ADGRB1: variants seen among roughly 807,000 people sequenced by gnomAD.
ADGRB1 encodes the protein brain-specific angiogenesis inhibitor 1.
Under a neutral mutation model 175.7 loss-of-function variants are expected in ADGRB1, and 36 were observed. The observed-to-expected ratio is 0.20, with a 90% CI of 0.16 to 0.27. The LOEUF is 0.27. Ranked by LOEUF, ADGRB1 falls within the 10% of genes least tolerant of loss-of-function variation. The pLI is 1.00. For synonymous variants in ADGRB1, 1,054 were observed against 979.4 expected (o/e 1.08, Z -1.42); for missense variants, 1,731 against 2,255.3 (o/e 0.77, Z 4.71).
rs1202459039 is a variant in ADGRB1, at chr8:142,510,660, C to G, written c.2676-272C>G. ...CAGCTCTCGCCCCCCGCCCCGCCCC[C>G]GATCGCTCGGCTCCCCCGCCCGGCG... On this transcript the variant is annotated intron_variant, in intron 17 of 30. Transcript: ENST00000517894. This position sits in a 1 kb window ranked among gnomAD's most constrained non-coding sequence, Gnocchi z 6.3. Among the ~76,000 whole-genome samples the G allele has an allele frequency of 2.1e-5, 3 of 145,666 alleles. No individual in the cohort carries two copies. The highest frequency in any genetic ancestry group is 4.2e-4 in the South Asian group (2 of 4,780).
intron 9 of ADGRB1, 105 bp downstream of exon 9, chr8:142,479,899 C>A: frequency 8.0e-7 from 1 of 1,257,710 alleles, no homozygotes; most frequent in Non-Finnish European, 1.1e-6. Context: ...AGACACGGAG[C>A]CCAGACAGCC....
chr8:142,541,276 G>A (rs934001504), intron 27 of ADGRB1, among the ~76,000 whole-genome samples: 3 of 152,094 alleles, frequency 2.0e-5, no homozygotes, highest in Non-Finnish European at 2.9e-5. Context: ...GCAGGAAGTC[G>A]GGGGCAAACT....
At position 142,544,671 on chromosome 8, in the gene ADGRB1, C is replaced by T. The variant is rs58647932; in HGVS notation, c.*254C>T. The T allele has an allele frequency of 8.0e-6, 3 of 373,470 alleles. No homozygotes were observed. The highest frequency in any genetic ancestry group is 4.8e-5 in the Admixed American group (1 of 20,846). The allele number at this position is 373,470 out of a possible 1,614,324, so 23.1% of individuals were successfully genotyped here. On this transcript the variant is annotated 3_prime_UTR_variant, in exon 31 of 31. Transcript: ENST00000517894. ...GCCTCAGACTCCGCCCTCCTCGGGC[C>T]GAGGCCCAGCGGGCAGATGGGCGGA...
chr8:142,480,838 G>GC (rs1241584153), intron 9 of ADGRB1, among the ~76,000 whole-genome samples: 4 of 152,218 alleles, frequency 2.6e-5, no homozygotes, highest in African/African-American at 4.8e-5. Flanking sequence ...CCCCAAGGCT[G>GC]CCCCCATGTC....
chr8:142,469,667 G>T (rs563951137), intron 2 of ADGRB1, among the ~76,000 whole-genome samples: 2 of 151,508 alleles, frequency 1.3e-5, no homozygotes, highest in Admixed American at 1.3e-4. Context: ...AAGTGCGTGT[G>T]TGTGCACGTG....
In ADGRB1 at chr8:142,542,167, G is replaced by T; in HGVS notation, c.3933G>T (p.Arg1311Ser). The change falls in exon 28 of 31, where the codon AGG becomes AGT. Residue 1311 changes from arginine (R) to serine (S), a missense_variant. By Grantham distance (110) the Arg-to-Ser change is moderately radical. Transcript: ENST00000517894. This position sits in a 1 kb window ranked among gnomAD's most constrained non-coding sequence, Gnocchi z 6.3. ...CCAACCACTCACTGACCCTCAAGAG[G>T]GACAAGGCGCCCAAGTCCTCCTTCG... ...DFPNHSLTLKRDKAPKSSFVG... is the reference protein window; with the variant it reads ...DFPNHSLTLKSDKAPKSSFVG... 1.2e-6 allele frequency: 2 copies of T among 1,613,532 alleles called. No homozygotes were observed. The highest frequency in any genetic ancestry group is 1.7e-6 in the Non-Finnish European group (2 of 1,179,802).
At chr8:142,539,449 C>T (rs575575150) in intron 27 of ADGRB1, 36 bp downstream of exon 27, 6 of 1,595,054 alleles carry the variant, frequency 3.8e-6, no homozygotes, top group Non-Finnish European at 4.3e-6. Flanking sequence ...AGTGCCAGCC[C>T]GGCCCCCTGC....
At position 142,459,799 on chromosome 8, in the gene ADGRB1, C is replaced by T. The variant is rs140615269; in HGVS notation, c.-219-4181C>T. Among the ~76,000 whole-genome samples the T allele has an allele frequency of 1.4e-3, 210 of 152,304 alleles. 2 individuals are homozygous for T. The East Asian group carries it at 0.018, about 13-fold the overall frequency. On this transcript the variant is annotated intron_variant, in intron 1 of 30. Coordinates refer to ENST00000517894, the MANE Select transcript of ADGRB1 (RefSeq NM_001702.3). ...CCACATCTCAGCAGAGGCCACCAGC[C>T]CCTCCCCCATTTGCTCTCTGGAAGT...
rs1041341819 is a variant in ADGRB1 at position 142,511,096 on chromosome 8, G to A, written c.2817+23G>A. The A allele has an allele frequency of 1.7e-5, 18 of 1,090,534 alleles. No homozygotes were observed. The highest frequency in any genetic ancestry group is 2.0e-5 in the Non-Finnish European group (18 of 898,122). 67.6% of individuals were successfully genotyped at this position (1,090,534 alleles called of 1,614,324 possible). On this transcript the variant is annotated intron_variant, in intron 18 of 30. Coordinates refer to ENST00000517894, the MANE Select transcript of ADGRB1 (RefSeq NM_001702.3). The surrounding 1 kb of genome is among the most constrained non-coding windows in gnomAD (Gnocchi z 4.5). ...GCGGTGAGACCCCGGCCGGGCCGGCGGGAGGGGCGCCGGGCAGGGGCGCGG... is the reference window on the plus strand; with the variant it reads ...GCGGTGAGACCCCGGCCGGGCCGGCAGGAGGGGCGCCGGGCAGGGGCGCGG...
rs543618856 is a variant in ADGRB1 at position 142,450,445 on chromosome 8, T to C, written c.-220+341T>C. Among the ~76,000 whole-genome samples the C allele has an allele frequency of 4.6e-5, 7 of 152,072 alleles. No homozygotes were observed. The South Asian group carries it at 8.3e-4, about 18-fold the overall frequency. On this transcript the variant is annotated intron_variant, in intron 1 of 30. Coordinates refer to ENST00000517894, the MANE Select transcript of ADGRB1 (RefSeq NM_001702.3). ...CAGCCTGGCACCCCTCTTCATCACA[T>C]GCACAGGGCAGGCTGGGGAGGGCGT... is the stretch of plus-strand genomic sequence containing the variant.
chr8:142,464,539 A>G lies in ADGRB1; in HGVS notation c.341A>G (p.Tyr114Cys), dbSNP rs757957051. 1 of 1,565,244 alleles carries G rather than the reference A, an allele frequency of 6.4e-7. No homozygotes were observed. Among genetic ancestry groups the G allele is most frequent in the Non-Finnish European group, 8.6e-7 (1 of 1,158,434 alleles). ...FDSFLESTRTYLGVESFDEVL... is the reference protein window; with the variant it reads ...FDSFLESTRTCLGVESFDEVL... ...TCCTTCCTCGAGTCCACGCGCACCT[A>G]CCTGGGCGTGGAGAGCTTCGACGAG... The change falls in exon 2 of 31, where the codon TAC becomes TGC. Residue 114 changes from tyrosine to cysteine, a missense_variant. Tyr to Cys is a radical substitution (Grantham distance 194). This residue lies in a region of ADGRB1 where 383 missense variants were observed against 383.1 expected (regional missense o/e 1.00). Transcript: ENST00000517894.
intron 18 of ADGRB1, among the ~76,000 whole-genome samples, chr8:142,512,138 C>G (rs114085128): frequency 1.3e-5 from 2 of 152,236 alleles, no homozygotes; most frequent in African/African-American, 4.8e-5. Context: ...CAGTAAAATC[C>G]TCTGTTGACA....
intron 19 of ADGRB1, 47 bp from the exon 20 acceptor site, chr8:142,520,776 A>C: frequency 6.5e-7 from 1 of 1,537,114 alleles, no homozygotes; most frequent in Non-Finnish European, 9.0e-7. Context: ...CCCTGTGCAG[A>C]TGGGGTTCTG....
At chr8:142,527,666 C>T (rs1425090922) in intron 24 of ADGRB1, among the ~76,000 whole-genome samples, 3 of 152,180 alleles carry the variant, frequency 2.0e-5, no homozygotes, top group African/African-American at 7.2e-5. Context: ...CCCTGTCCCA[C>T]ACTGCTCCCA....
intron 2 of ADGRB1, among the ~76,000 whole-genome samples, chr8:142,472,730 G>A (rs1416326265): frequency 6.6e-6 from 1 of 152,172 alleles, no homozygotes; most frequent in African/African-American, 2.4e-5. Flanking sequence ...TGGGATCAGG[G>A]CTCAGTATAT....
chr8:142,470,195 C>T (rs1390698950), intron 2 of ADGRB1, among the ~76,000 whole-genome samples: 1 of 152,256 alleles, frequency 6.6e-6, no homozygotes, highest in African/African-American at 2.4e-5. Flanking sequence ...AGGCCCCTCT[C>T]CTGCCGGCTC....
intron 1 of ADGRB1, among the ~76,000 whole-genome samples, chr8:142,453,115 C>T (rs1027070534): frequency 2.0e-5 from 3 of 151,324 alleles, no homozygotes; most frequent in African/African-American, 7.3e-5. Context: ...GGCCGGAGCC[C>T]CCCTCGCCGG....
chr8:142,502,897 G>A (rs1055571149), intron 17 of ADGRB1, among the ~76,000 whole-genome samples: 9 of 151,854 alleles, frequency 5.9e-5, no homozygotes, highest in South Asian at 2.1e-4. Flanking sequence ...GCTGATGGTC[G>A]TGTCTTGAGG....
At chr8:142,469,768 T>A (rs1406678600) in intron 2 of ADGRB1, among the ~76,000 whole-genome samples, 2 of 151,290 alleles carry the variant, frequency 1.3e-5, no homozygotes, top group Non-Finnish European at 2.9e-5. Context: ...TGAATGTATG[T>A]GTGTATGTCT....
Sources: gnomAD v4.1 joint callset for allele counts (sites outside exome capture counted in the v4.1 genomes callset) on GRCh38, gnomAD v4.1.1 for gene constraint, gnomAD v4.1.1 regional missense constraint, Gnocchi (gnomAD v3.1) non-coding constraint, MANE v1.5 for transcripts, NCBI Gene and HGNC (gene_info 2026-07-23, HGNC 2026-07-21) for gene names.